ZSCAN2: variants seen among roughly 807,000 people sequenced by gnomAD.
The protein encoded by ZSCAN2 is zinc finger and SCAN domain-containing protein 2.
In ZSCAN2, 26 loss-of-function variants were observed where a neutral mutation model predicts 47.8. The observed-to-expected ratio is 0.54, with a 90% CI of 0.40 to 0.75. The LOEUF (loss-of-function observed/expected upper bound fraction) is 0.75. Among genes scored for constraint, ZSCAN2 ranks in the 30% least tolerant of loss-of-function variants. The probability of loss-of-function intolerance (pLI) is 0.00; values close to 1 mark genes in which losing one functional copy is unlikely to be tolerated. For missense variants in ZSCAN2, 732 were observed against 785.4 expected, an observed-to-expected ratio of 0.93 and a Z score of 0.81; for synonymous variants, 305 against 288.7, an observed-to-expected ratio of 1.06 and a Z score of -0.57.
rs1188359727 is a variant in ZSCAN2 at position 84,622,628 on chromosome 15, G to A, written c.*588G>A. The A allele has an allele frequency of 1.4e-6, 1 of 717,356 alleles. No individual in the cohort carries two copies. The highest frequency in any genetic ancestry group is 2.0e-5 in the Admixed American group (1 of 49,992). 44.4% of individuals were successfully genotyped at this position (717,356 alleles called of 1,614,324 possible). ...TCTGAGTCACCCACGTGAAGGTAAA[G>A]ACCCTTTCTATTTCCAGAAAGTGTC... On this transcript the variant is annotated 3_prime_UTR_variant, in exon 3 of 3. Coordinates refer to ENST00000546148, the MANE Select transcript of ZSCAN2 (RefSeq NM_181877.4).
In ZSCAN2 at chr15:84,621,624, C is replaced by T; in HGVS notation, c.1429C>T (p.Leu477=). ...MHTGEKPYEC[L]TCGESFSWSS... ...CACAGGGGAGAAACCCTACGAGTGC[C>T]TGACATGTGGGGAGAGCTTCAGCTG... The change falls in exon 3 of 3, where the codon CTG becomes TTG. Residue 477 remains leucine (L), a synonymous_variant. Coordinates refer to ENST00000546148, the MANE Select transcript of ZSCAN2 (RefSeq NM_181877.4). This position sits in a 1 kb window ranked among gnomAD's most constrained non-coding sequence, Gnocchi z 5.7. 2 of 1,613,246 alleles carry T rather than the reference C, an allele frequency of 1.2e-6. No individual in the cohort carries two copies. The highest frequency in any genetic ancestry group is 1.7e-6 in the Non-Finnish European group (2 of 1,179,804).
At chr15:84,607,628 C>T (rs1031145514) in intron 2 of ZSCAN2, among the ~76,000 whole-genome samples, 11 of 152,162 alleles carry the variant, frequency 7.2e-5, no homozygotes, top group African/African-American at 1.7e-4. Context: ...CCTGCCTCAG[C>T]CTCCCAAGTA....
In ZSCAN2 at chr15:84,621,003, A is replaced by G. The variant is rs754325036; in HGVS notation, c.808A>G (p.Thr270Ala). The change falls in exon 3 of 3, where the codon ACC (threonine) becomes GCC (alanine). Residue 270 changes from threonine to alanine, a missense_variant. Thr to Ala is a moderately conservative substitution (Grantham distance 58). Transcript: ENST00000546148. This position sits in a 1 kb window ranked among gnomAD's most constrained non-coding sequence, Gnocchi z 5.7. ...TGGTTCAAATTTTAGTAGACACCAA[A>G]CCACTCACACCGGGGAGAAGCCCTA... ...SDGSNFSRHQ[T>A]THTGEKPYKC... 2.0e-5 allele frequency: 32 copies of G among 1,613,974 alleles called. No individual in the cohort carries two copies. In the South Asian group the frequency reaches 3.1e-4, roughly 16 times the overall value.
intron 2 of ZSCAN2, among the ~76,000 whole-genome samples, chr15:84,617,678 T>TATC (rs1374936656): frequency 6.6e-6 from 1 of 152,214 alleles, no homozygotes; most frequent in Non-Finnish European, 1.5e-5. Flanking sequence ...GGCTTATGCC[T>TATC]ATCATCCCAG....
In ZSCAN2 at chr15:84,622,686, G is replaced by A. The variant is rs1895842111; in HGVS notation, c.*646G>A. On this transcript the variant is annotated 3_prime_UTR_variant, in exon 3 of 3. Transcript: ENST00000546148. Reference sequence around the variant, plus strand: ...CAGAAACTTGAGGAAGTACAGCCTGGAGCCAGTGTCCCAGTGTCCTTTCCA... The same window carrying A: ...CAGAAACTTGAGGAAGTACAGCCTGAAGCCAGTGTCCCAGTGTCCTTTCCA... 2 of 717,398 alleles carry A rather than the reference G, an allele frequency of 2.8e-6. No individual in the cohort carries two copies. Among genetic ancestry groups the A allele is most frequent in the Non-Finnish European group, 5.2e-6 (2 of 385,070 alleles). 44.4% of individuals were successfully genotyped at this position (717,398 alleles called of 1,614,324 possible). A position where few individuals can be genotyped will look rare whatever the true frequency, so the allele number is the denominator to read the frequency against.
Position 84,621,935 on chromosome 15 carries a change from C to T in ZSCAN2, c.1740C>T (p.His580=). Residue 580 remains histidine (H), a synonymous_variant, in exon 3 of 3, where the codon CAC becomes CAT. Coordinates refer to ENST00000546148, the MANE Select transcript of ZSCAN2 (RefSeq NM_181877.4). The surrounding 1 kb of genome is among the most constrained non-coding windows in gnomAD (Gnocchi z 5.7). ...TCCTCATTATACATCAGCGAATCCA[C>T]ACTGGGGAGAAGCCCTACAAATGCC... The part of the protein sequence containing the change: ...NSVLIIHQRI[H]TGEKPYKCPE... 6.2e-7 allele frequency: 1 copy of T among 1,614,194 alleles called. No homozygotes were observed. The highest frequency in any genetic ancestry group is 8.5e-7 in the Non-Finnish European group (1 of 1,180,028).
chr15:84,623,063 G>A lies in ZSCAN2; in HGVS notation c.*1023G>A, dbSNP rs1277163065. 1 of 190,910 alleles carries A rather than the reference G, an allele frequency of 5.2e-6. No individual in the cohort carries two copies. The highest frequency in any genetic ancestry group is 6.3e-5 in the Admixed American group (1 of 16,000). 11.8% of individuals were successfully genotyped at this position (190,910 alleles called of 1,614,324 possible). ...ATATGCCGAGCTAGAATCCTGTCGG[G>A]TAGCTTTTGTATACTAAGAACATTA... On this transcript the variant is annotated 3_prime_UTR_variant, in exon 3 of 3. Transcript: ENST00000546148.
intron 1 of ZSCAN2, among the ~76,000 whole-genome samples, chr15:84,602,740 C>G (rs1312380678): frequency 6.6e-6 from 1 of 152,036 alleles, no homozygotes; most frequent in Non-Finnish European, 1.5e-5. Flanking sequence ...AGGCGCCCGT[C>G]ACCATGCCTG....
intron 2 of ZSCAN2, chr15:84,611,860 C>T (rs1313683189): frequency 1.3e-5 from 2 of 152,244 alleles, no homozygotes; most frequent in Non-Finnish European, 2.9e-5. Context: ...CTCATATCCA[C>T]AGAATGTGCT....
Position 84,604,142 on chromosome 15 carries a change from G to A in ZSCAN2, c.215G>A (p.Gly72Glu), listed in dbSNP as rs370914056. 3.1e-6 allele frequency: 5 copies of A among 1,613,718 alleles called. No homozygotes were observed. In the African/African-American group the frequency reaches 5.3e-5, roughly 17 times the overall value. The change falls in exon 2 of 3, where the codon GGA (glycine) becomes GAA (glutamate). Residue 72 changes from glycine (G) to glutamate (E), a missense_variant. This residue lies in a region of ZSCAN2 where 320 missense variants were observed against 287.4 expected (regional missense o/e 1.11). Coordinates refer to ENST00000546148, the MANE Select transcript of ZSCAN2 (RefSeq NM_181877.4). The part of the protein sequence containing the change: ...KGGPQEEVTR[G>E]PQGALGRLRE... Reference sequence around the variant, plus strand: ...GGCCCCCAGGAGGAGGTGACCAGGGGACCACAGGGTGCACTCGGCCGCCTC... The same window carrying A: ...GGCCCCCAGGAGGAGGTGACCAGGGAACCACAGGGTGCACTCGGCCGCCTC...
At chr15:84,615,837 C>G (rs1459713020) in intron 2 of ZSCAN2, among the ~76,000 whole-genome samples, 2 of 152,072 alleles carry the variant, frequency 1.3e-5, no homozygotes, top group Non-Finnish European at 2.9e-5. Context: ...TAATCTCTTC[C>G]TGTTGTCTCA....
intron 2 of ZSCAN2, chr15:84,616,274 G>A (rs780748299): frequency 2.2e-5 from 22 of 995,990 alleles, no homozygotes; most frequent in South Asian, 3.8e-5. Flanking sequence ...ATTAATGTGC[G>A]TGGGTCAAAG....
chr15:84,617,887 C>T (rs766410301), intron 2 of ZSCAN2, among the ~76,000 whole-genome samples: 1 of 152,118 alleles, frequency 6.6e-6, no homozygotes, highest in African/African-American at 2.4e-5. Flanking sequence ...CTACAGTGAG[C>T]TGCGATCTCG....
chr15:84,612,448 C>G (rs1228964394), intron 2 of ZSCAN2, among the ~76,000 whole-genome samples: 1 of 152,146 alleles, frequency 6.6e-6, no homozygotes, highest in African/African-American at 2.4e-5. Context: ...AAATGACCTT[C>G]TAAAGGCCAG....
chr15:84,614,269 A>G (rs1895636469), intron 2 of ZSCAN2, among the ~76,000 whole-genome samples: 2 of 152,010 alleles, frequency 1.3e-5, no homozygotes, highest in East Asian at 1.9e-4. Flanking sequence ...TGGGATTGCA[A>G]GCAATAATCT....
At chr15:84,608,959 G>A (rs548534351) in intron 2 of ZSCAN2, among the ~76,000 whole-genome samples, 6 of 152,226 alleles carry the variant, frequency 3.9e-5, no homozygotes, top group Non-Finnish European at 2.9e-5. Flanking sequence ...AGTTTGAAAA[G>A]CACTACCCAG....
At chr15:84,616,247 A>G (rs763801377) in intron 2 of ZSCAN2, 113 of 912,084 alleles carry the variant, frequency 1.2e-4, no homozygotes, top group Non-Finnish European at 1.5e-4. Context: ...AAAAAAATAA[A>G]TAAATAAATA....
At chr15:84,610,227 A>G (rs942503282) in intron 2 of ZSCAN2, among the ~76,000 whole-genome samples, 4 of 152,204 alleles carry the variant, frequency 2.6e-5, no homozygotes, top group African/African-American at 9.6e-5. Context: ...CCTACTTTGC[A>G]GCTTACAAAG....
intron 2 of ZSCAN2, among the ~76,000 whole-genome samples, chr15:84,605,122 G>A (rs1365876117): frequency 6.6e-6 from 1 of 152,124 alleles, no homozygotes; most frequent in Admixed American, 6.5e-5. Flanking sequence ...AAGTAATCCT[G>A]GGCTCTTAAA....
Sources: gnomAD v4.1 joint callset for allele counts (sites outside exome capture counted in the v4.1 genomes callset) on GRCh38, gnomAD v4.1.1 for gene constraint, gnomAD v4.1.1 regional missense constraint, Gnocchi (gnomAD v3.1) non-coding constraint, MANE v1.5 for transcripts, NCBI Gene and HGNC (gene_info 2026-07-23, HGNC 2026-07-21) for gene names.